The following ZHX3 variants were observed in gnomAD, a reference collection of about 807,000 sequenced individuals.
The protein encoded by ZHX3 is zinc fingers and homeoboxes 3.
ZHX3 carries 20 observed loss-of-function variants against 64.5 expected under a neutral mutation model. The observed-to-expected ratio is 0.31, with a 90% CI of 0.22 to 0.45. ZHX3 has a LOEUF of 0.45. ZHX3 is among the 20% of genes least tolerant of loss of function. ZHX3 has a pLI of 1.00. For synonymous variants in ZHX3, 423 were observed against 461.6 expected (o/e 0.92, Z 1.07); for missense variants, 1,041 against 1,195.8 (o/e 0.87, Z 1.91).
chr20:41,226,730 A>G lies in ZHX3; in HGVS notation c.-150-21664T>C, dbSNP rs1216230577. On this transcript the variant is annotated intron_variant, in intron 2 of 3. Coordinates refer to ENST00000683867, the MANE Select transcript of ZHX3 (RefSeq NM_001384317.1). This position sits in a 1 kb window ranked among gnomAD's most constrained non-coding sequence, Gnocchi z 4.4. The stretch of plus-strand genomic sequence containing the variant: ...GTTCCTCTATTTTCAAGTGAATTCA[A>G]CAGGTCAAATTTAAAATTTATTTTA... 6.6e-6 allele frequency among the ~76,000 whole-genome samples: 1 copy of G among 152,198 alleles called. No homozygotes were observed. Among genetic ancestry groups the G allele is most frequent in the East Asian group, 1.9e-4 (1 of 5,184 alleles).
Position 41,219,610 on chromosome 20 carries a change from A to C in ZHX3, c.-150-14544T>G, listed in dbSNP as rs2039801566. Among the ~76,000 whole-genome samples the C allele has an allele frequency of 6.6e-6, 1 of 152,258 alleles. No homozygotes were observed. Among genetic ancestry groups the C allele is most frequent in the Non-Finnish European group, 1.5e-5 (1 of 68,038 alleles). Reference sequence around the variant, plus strand: ...TTGTTTTTTCTCTCAAATAGAGTTGAGGACTTACTATGTGCTAGGCACTGG... The same window carrying C: ...TTGTTTTTTCTCTCAAATAGAGTTGCGGACTTACTATGTGCTAGGCACTGG... On this transcript the variant is annotated intron_variant, in intron 2 of 3. Coordinates refer to ENST00000683867, the MANE Select transcript of ZHX3 (RefSeq NM_001384317.1). This position sits in a 1 kb window ranked among gnomAD's most constrained non-coding sequence, Gnocchi z 5.0.
chr20:41,306,120 T>C (rs2044972285), intron 1 of ZHX3, among the ~76,000 whole-genome samples: 1 of 152,184 alleles, frequency 6.6e-6, no homozygotes. Flanking sequence ...GTAGCTGGTT[T>C]CCTTATTTAT....
At chr20:41,273,919 A>C (rs2043266264) in intron 1 of ZHX3, among the ~76,000 whole-genome samples, 1 of 152,232 alleles carries the variant, frequency 6.6e-6, no homozygotes, top group Non-Finnish European at 1.5e-5. Context: ...CTGAATCTTT[A>C]CATCACTTTG....
At chr20:41,190,346 G>A (rs773517177) in intron 3 of ZHX3, among the ~76,000 whole-genome samples, 3 of 151,988 alleles carry the variant, frequency 2.0e-5, no homozygotes, top group Admixed American at 2.0e-4. Flanking sequence ...GGCTAATTTT[G>A]TATTTTTAGA....
At chr20:41,191,396 A>T in intron 3 of ZHX3, among the ~76,000 whole-genome samples, 1 of 152,188 alleles carries the variant, frequency 6.6e-6, no homozygotes, top group East Asian at 1.9e-4. Context: ...CTCTTTGATA[A>T]AATTATCATT....
rs1349260725 is a variant in ZHX3, at chr20:41,317,723, G to A, written c.-459C>T. The A allele has an allele frequency of 6.6e-6, 1 of 151,930 alleles. No individual in the cohort carries two copies. The allele number at this position is 151,930 out of a possible 1,614,324, so 9.4% of individuals were successfully genotyped here. Reference sequence around the variant, plus strand: ...GCTCGGCCGCTCTCGGAGGCGCTCGGCTCTGCTCGGCCTTGCACGGCTCCC... The same window carrying A: ...GCTCGGCCGCTCTCGGAGGCGCTCGACTCTGCTCGGCCTTGCACGGCTCCC... On this transcript the variant is annotated 5_prime_UTR_variant, in exon 1 of 4. Transcript: ENST00000683867.
At chr20:41,252,056 C>T (rs1243526309) in intron 2 of ZHX3, among the ~76,000 whole-genome samples, 1 of 152,126 alleles carries the variant, frequency 6.6e-6, no homozygotes, top group Non-Finnish European at 1.5e-5. Flanking sequence ...AACTGTATTG[C>T]TGCCTAGGGA....
At chr20:41,194,480 G>T (rs2037316897) in intron 3 of ZHX3, among the ~76,000 whole-genome samples, 1 of 152,090 alleles carries the variant, frequency 6.6e-6, no homozygotes, top group African/African-American at 2.4e-5. Context: ...TTGCTATTTT[G>T]TTGGGGATTT....
intron 2 of ZHX3, among the ~76,000 whole-genome samples, chr20:41,258,664 T>C (rs897828894): frequency 1.3e-5 from 2 of 152,254 alleles, no homozygotes; most frequent in Non-Finnish European, 2.9e-5. Flanking sequence ...GTGTTCTTAA[T>C]ACATCATATC....
At chr20:41,250,657 A>G (rs2041946810) in intron 2 of ZHX3, among the ~76,000 whole-genome samples, 1 of 152,220 alleles carries the variant, frequency 6.6e-6, no homozygotes, top group Admixed American at 6.5e-5. Context: ...AAATTCCCCA[A>G]ATTTGCTGAA....
chr20:41,292,846 C>A (rs2044318921), intron 1 of ZHX3, among the ~76,000 whole-genome samples: 2 of 152,342 alleles, frequency 1.3e-5, no homozygotes, highest in African/African-American at 2.4e-5. Flanking sequence ...ACAGTATACA[C>A]AACCACTTTA....
chr20:41,275,904 A>G (rs1373618812), intron 1 of ZHX3, among the ~76,000 whole-genome samples: 1 of 152,268 alleles, frequency 6.6e-6, no homozygotes, highest in Non-Finnish European at 1.5e-5. Context: ...CAGAAGAAAT[A>G]CAAAAAATAA....
chr20:41,263,487 C>T (rs1023240016), intron 2 of ZHX3, among the ~76,000 whole-genome samples: 2 of 151,636 alleles, frequency 1.3e-5, no homozygotes, highest in East Asian at 3.9e-4. Context: ...CTCTGCCTCC[C>T]GGGTTCAAGC....
chr20:41,178,616 C>T lies in ZHX3; in HGVS notation c.*6575G>A, dbSNP rs2036133563. Reference sequence around the variant, plus strand: ...TTTGCATCTTAGAAATAGCAGCATCCCCACAGGGGACCTCGTGAGGCCTGG... The same window carrying T: ...TTTGCATCTTAGAAATAGCAGCATCTCCACAGGGGACCTCGTGAGGCCTGG... On this transcript the variant is annotated 3_prime_UTR_variant, in exon 4 of 4. Coordinates refer to ENST00000683867, the MANE Select transcript of ZHX3 (RefSeq NM_001384317.1). 6.6e-6 allele frequency: 1 copy of T among 152,638 alleles called. No homozygotes were observed. The highest frequency in any genetic ancestry group is 2.4e-5 in the African/African-American group (1 of 41,438). 9.5% of individuals were successfully genotyped at this position (152,638 alleles called of 1,614,324 possible).
rs147038003 is a variant in ZHX3 at position 41,258,823 on chromosome 20, C to G, written c.-151+10167G>C. Among the ~76,000 whole-genome samples, 425 of 152,168 alleles carry G rather than the reference C, an allele frequency of 2.8e-3. 3 individuals carry two copies. The highest frequency in any genetic ancestry group is 0.016 in the South Asian group (75 of 4,810). ...CACGTTGAGGTAGTTTGAGATGATG[C>G]AAATTCTTTCAAAGCTTTCCTGAAG... On this transcript the variant is annotated intron_variant, in intron 2 of 3. Transcript: ENST00000683867.
At chr20:41,307,590 G>A (rs1252754962) in intron 1 of ZHX3, among the ~76,000 whole-genome samples, 1 of 152,034 alleles carries the variant, frequency 6.6e-6, no homozygotes, top group Non-Finnish European at 1.5e-5. Context: ...ACAGAAACAA[G>A]GTATCCAAAG....
intron 2 of ZHX3, among the ~76,000 whole-genome samples, chr20:41,243,996 C>T (rs1392004128): frequency 1.3e-5 from 2 of 152,120 alleles, no homozygotes; most frequent in Non-Finnish European, 2.9e-5. Context: ...CCACCTCTTA[C>T]ATCAGGGTTT....
At chr20:41,205,422 T>C (rs1180033050) in intron 2 of ZHX3, among the ~76,000 whole-genome samples, 2 of 152,202 alleles carry the variant, frequency 1.3e-5, no homozygotes, top group Non-Finnish European at 2.9e-5. Context: ...GAACAAAAGA[T>C]CCTAGTGTAA....
At chr20:41,278,770 GT>G (rs1196141371) in intron 1 of ZHX3, among the ~76,000 whole-genome samples, 4 of 138,904 alleles carry the variant, frequency 2.9e-5, no homozygotes, top group South Asian at 2.5e-4. Context: ...TCTCTGCACA[GT>G]TTTTTTTTGT....
Sources: allele counts gnomAD v4.1 joint callset (sites outside exome capture counted in the v4.1 genomes callset), GRCh38; gene constraint gnomAD v4.1.1; non-coding constraint Gnocchi (gnomAD v3.1); transcripts MANE v1.5; gene names NCBI Gene and HGNC (gene_info 2026-07-23, HGNC 2026-07-21).